Variants in LRP6 observed in about 807,000 individuals in gnomAD.
LRP6 encodes the protein LDL receptor related protein 6, also known as low-density lipoprotein receptor-related protein 6.
LRP6 carries 43 observed loss-of-function variants against 184.1 expected under a neutral mutation model. That is an observed-to-expected ratio of 0.23 (90% CI 0.18 to 0.30). The LOEUF (loss-of-function observed/expected upper bound fraction) is 0.30, where lower values mean the gene tolerates loss of function less well. Ranked by LOEUF, LRP6 falls within the 10% of genes least tolerant of loss-of-function variation. The pLI is 1.00. For synonymous variants in LRP6, 719 were observed against 684.9 expected, an observed-to-expected ratio of 1.05 and a Z score of -0.78; for missense variants, 1,571 against 2,005.3, an observed-to-expected ratio of 0.78 and a Z score of 4.14.
chr12:12,141,237 G>A (rs1339172991), intron 15 of LRP6, among the ~76,000 whole-genome samples: 1 of 151,792 alleles, frequency 6.6e-6, no homozygotes, highest in Non-Finnish European at 1.5e-5. Context: ...GGAAAGAAGG[G>A]AGGAATCAAA....
At chr12:12,186,784 AAGT>A (rs964332984) in intron 4 of LRP6, 136 bp downstream of exon 4, 1 of 792,216 alleles carries the variant, frequency 1.3e-6, no homozygotes, top group African/African-American at 1.7e-5. Context: ...TCAGCCTCCC[AAGT>A]AGGATTTTAA....
chr12:12,127,018 T>TA, intron 19 of LRP6, 97 bp from the exon 20 acceptor site: 2 of 991,684 alleles, frequency 2.0e-6, no homozygotes, highest in South Asian at 1.3e-5. Context: ...TGTGAAGCTA[T>TA]AAGCCTAATG....
intron 2 of LRP6, among the ~76,000 whole-genome samples, chr12:12,223,076 A>G (rs893726234): frequency 1.3e-5 from 2 of 151,854 alleles, no homozygotes; most frequent in Non-Finnish European, 2.9e-5. Flanking sequence ...GGTAACCTCC[A>G]CACAGGCCAT....
At chr12:12,170,099 C>T (rs1045021656) in intron 7 of LRP6, among the ~76,000 whole-genome samples, 15 of 152,138 alleles carry the variant, frequency 9.9e-5, no homozygotes, top group Non-Finnish European at 1.9e-4. Flanking sequence ...CTTTGGGAGT[C>T]CAAGGCGGGT....
chr12:12,144,186 C>A (rs1005549641), intron 15 of LRP6, among the ~76,000 whole-genome samples: 15 of 152,152 alleles, frequency 9.9e-5, no homozygotes, highest in Non-Finnish European at 2.2e-4. Flanking sequence ...AATTCCTATA[C>A]AACAATAAAC....
chr12:12,203,170 C>A (rs756425398), intron 3 of LRP6, 33 bp downstream of exon 3: 1 of 1,523,274 alleles, frequency 6.6e-7, no homozygotes, highest in Non-Finnish European at 8.9e-7. Context: ...ATCGAGTTTT[C>A]TTAAAAGTTT....
At position 12,130,765 on chromosome 12, in the gene LRP6, G is replaced by C. The variant is rs774516516; in HGVS notation, c.4081+18C>G. 9 of 1,463,824 alleles carry C rather than the reference G, an allele frequency of 6.1e-6. No individual in the cohort carries two copies. The highest frequency in any genetic ancestry group is 1.4e-5 in the African/African-American group (1 of 71,908). 90.7% of individuals were successfully genotyped at this position (1,463,824 alleles called of 1,614,324 possible). On this transcript the variant is annotated intron_variant, in intron 19 of 22. Transcript: ENST00000261349. ...AATTCTCTGTTAAGAGTAATTTATA[G>C]ATCTCAGTCCTACTTACAACAATCC... is the stretch of plus-strand genomic sequence containing the variant.
In LRP6 at chr12:12,160,415, T is replaced by C. The variant is rs1280256592; in HGVS notation, c.2280-451A>G. Among the ~76,000 whole-genome samples, 7 of 152,236 alleles carry C rather than the reference T, an allele frequency of 4.6e-5. No homozygotes were observed. In the East Asian group the frequency reaches 1.2e-3, roughly 25 times the overall value. On this transcript the variant is annotated intron_variant, in intron 10 of 22. Coordinates refer to ENST00000261349, the MANE Select transcript of LRP6 (RefSeq NM_002336.3). ...ACTTTTTGACTTGTGTAATCAACTCTTCCTCAAAATAAGTTGCAGAAGTAC... is the reference window on the plus strand; with the variant it reads ...ACTTTTTGACTTGTGTAATCAACTCCTCCTCAAAATAAGTTGCAGAAGTAC...
intron 15 of LRP6, 120 bp from the exon 16 acceptor site, chr12:12,138,654 C>G: frequency 7.8e-7 from 1 of 1,289,022 alleles, no homozygotes; most frequent in Admixed American, 2.2e-5. Context: ...AAAACAAGAT[C>G]TCTACCACAA....
intron 2 of LRP6, among the ~76,000 whole-genome samples, chr12:12,215,415 A>ATTATT (rs957840406): frequency 5.9e-5 from 9 of 152,004 alleles, no homozygotes; most frequent in Non-Finnish European, 8.8e-5. Flanking sequence ...AAGGACTAAG[A>ATTATT]TTATTTTATT....
intron 10 of LRP6, among the ~76,000 whole-genome samples, chr12:12,160,502 A>C (rs1423973945): frequency 1.3e-5 from 2 of 152,096 alleles, no homozygotes; most frequent in African/African-American, 4.8e-5. Flanking sequence ...TTGAAAATGT[A>C]TTTGGTCATA....
chr12:12,257,779 C>CTAAAAAAAAAAAA (rs1865504951), intron 1 of LRP6, among the ~76,000 whole-genome samples: 1 of 35,320 alleles, frequency 2.8e-5, no homozygotes, highest in Non-Finnish European at 4.8e-5. Context: ...CCTGTCTCTA[C>CTAAAAAAAAAAAA]AAAAAAAAAA....
intron 2 of LRP6, among the ~76,000 whole-genome samples, chr12:12,228,199 C>T (rs960393083): frequency 1.3e-5 from 2 of 151,632 alleles, no homozygotes; most frequent in Non-Finnish European, 1.5e-5. Context: ...GGTGAAACCC[C>T]CGTTTCTACT....
At chr12:12,123,661 T>C (rs939433980) in intron 22 of LRP6, among the ~76,000 whole-genome samples, 4 of 152,190 alleles carry the variant, frequency 2.6e-5, no homozygotes, top group African/African-American at 9.6e-5. Context: ...TCAAGGAACA[T>C]AGAAGTGGAA....
chr12:12,240,684 T>TA (rs531275809), intron 2 of LRP6, among the ~76,000 whole-genome samples: 16 of 152,020 alleles, frequency 1.1e-4, no homozygotes, highest in East Asian at 1.9e-4. Context: ...TTTAACTTTA[T>TA]AAAAAAAATC....
At chr12:12,179,377 TATAGATATAGATATAG>T (rs1863281414) in intron 7 of LRP6, among the ~76,000 whole-genome samples, 1 of 57,770 alleles carries the variant, frequency 1.7e-5, no homozygotes, top group Non-Finnish European at 4.5e-5. Context: ...TAGATATAGA[TATAGATATAGATATAG>T]ATATAGATAT....
At chr12:12,164,605 T>C (rs756034865) in intron 8 of LRP6, 43 bp from the exon 9 acceptor site, 2 of 1,570,194 alleles carry the variant, frequency 1.3e-6, no homozygotes, top group Admixed American at 1.7e-5. Context: ...GACACACACA[T>C]TGATACATTC....
At chr12:12,251,220 C>T (rs1286668156) in intron 1 of LRP6, among the ~76,000 whole-genome samples, 1 of 152,206 alleles carries the variant, frequency 6.6e-6, no homozygotes, top group Non-Finnish European at 1.5e-5. Context: ...GCGTGAGCCA[C>T]CGTGCCCAGC....
At chr12:12,149,195 G>T in intron 13 of LRP6, 42 bp from the exon 14 acceptor site, 1 of 1,502,010 alleles carries the variant, frequency 6.7e-7, no homozygotes, top group African/African-American at 1.4e-5. Context: ...AACTCCAGGG[G>T]CAGATAACCC....
Sources: allele counts gnomAD v4.1 joint callset (sites outside exome capture counted in the v4.1 genomes callset), GRCh38; gene constraint gnomAD v4.1.1; transcripts MANE v1.5; gene names NCBI Gene and HGNC (gene_info 2026-07-23, HGNC 2026-07-21).